The following TTK variants were observed in gnomAD, a reference collection of about 807,000 sequenced individuals.
The protein encoded by TTK is dual specificity protein kinase TTK.
Under a neutral mutation model 117.3 loss-of-function variants are expected in TTK, and 59 were observed. That is an observed-to-expected ratio of 0.50 (90% CI 0.41 to 0.62). The LOEUF is 0.62. Ranked by LOEUF, TTK falls within the 20% of genes least tolerant of loss-of-function variation. The pLI is 0.00. For synonymous variants in TTK, 302 were observed against 325.0 expected (o/e 0.93, Z 0.76); for missense variants, 921 against 989.4 (o/e 0.93, Z 0.93).
chr6:80,026,629 A>G (rs1385988384), intron 12 of TTK, 115 bp downstream of exon 12: 1 of 1,417,024 alleles, frequency 7.1e-7, no homozygotes, highest in Non-Finnish European at 9.6e-7. Flanking sequence ...AAGACTTTCC[A>G]TCTTCATATT....
intron 21 of TTK, 74 bp from the exon 22 acceptor site, chr6:80,042,045 C>T (rs951101789): frequency 1.8e-4 from 143 of 812,080 alleles, no homozygotes; most frequent in Middle Eastern, 1.2e-3. Flanking sequence ...TAGAATACAT[C>T]AAAATACATC....
chr6:80,007,903 G>A lies in TTK; in HGVS notation c.234G>A (p.Pro78=), dbSNP rs539923817. ...LLLKLEKNSV[P]LSDALLNKLI... Reference sequence around the variant, plus strand: ...TCAAACTAGAGAAAAACAGTGTTCCGCTAAGTGATGCTCTTTTAAATAAAT... The same window carrying A: ...TCAAACTAGAGAAAAACAGTGTTCCACTAAGTGATGCTCTTTTAAATAAAT... The change falls in exon 3 of 22, where the codon CCG becomes CCA. Residue 78 remains proline, a synonymous_variant. Coordinates refer to ENST00000369798, the MANE Select transcript of TTK (RefSeq NM_003318.5). 9.9e-6 allele frequency: 16 copies of A among 1,613,510 alleles called. No individual in the cohort carries two copies. Among genetic ancestry groups the A allele is most frequent in the South Asian group, 6.6e-5 (6 of 91,062 alleles).
chr6:80,027,019 T>C (rs1001132329), intron 12 of TTK, among the ~76,000 whole-genome samples: 1 of 152,120 alleles, frequency 6.6e-6, no homozygotes, highest in African/African-American at 2.4e-5. Context: ...AGAAGTTCGA[T>C]GATGAGTGTG....
At chr6:80,031,686 C>T (rs1390021518) in intron 14 of TTK, 127 bp downstream of exon 14, 3 of 551,684 alleles carry the variant, frequency 5.4e-6, no homozygotes, top group African/African-American at 2.0e-5. Context: ...AGCCAAAAAG[C>T]CATCTTAACA....
At position 80,027,922 on chromosome 6, in the gene TTK, G is replaced by A. The variant is rs753161549; in HGVS notation, c.1432G>A (p.Ala478Thr). The change falls in exon 13 of 22, where the codon GCT (alanine) becomes ACT (threonine). Residue 478 changes from alanine to threonine, a missense_variant. By Grantham distance (58) the Ala-to-Thr change is moderately conservative. Coordinates refer to ENST00000369798, the MANE Select transcript of TTK (RefSeq NM_003318.5). ...AGTTGTAAAGAATGACTTTCCACCT[G>A]CTTGTCAGTTGTCAACACCTTATGG... Reference protein sequence around the residue: ...TPVVKNDFPPACQLSTPYGQP... With the variant: ...TPVVKNDFPPTCQLSTPYGQP... The A allele has an allele frequency of 6.2e-7, 1 of 1,607,052 alleles. No homozygotes were observed. The highest frequency in any genetic ancestry group is 1.1e-5 in the South Asian group (1 of 90,004).
At chr6:80,039,381 C>G (rs940116838) in intron 18 of TTK, among the ~76,000 whole-genome samples, 1 of 5,432 alleles carries the variant, frequency 1.8e-4, no homozygotes. Context: ...TCCAGTAATT[C>G]TGGGGAAAAC....
At chr6:80,021,131 C>G (rs1550035) in intron 10 of TTK, among the ~76,000 whole-genome samples, 18,655 of 152,256 alleles carry the variant, frequency 0.12, 1,432 homozygotes, top group South Asian at 0.17. Context: ...CCCTTGAATT[C>G]TGTTGACCTC....
intron 2 of TTK, chr6:80,006,267 A>G (rs1241667664): frequency 5.6e-6 from 2 of 357,630 alleles, no homozygotes; most frequent in Non-Finnish European, 1.1e-5. Context: ...GTATTAGCTC[A>G]GAAGCCTGAT....
chr6:80,011,495 G>T lies in TTK; in HGVS notation c.675G>T (p.Arg225Ser). ...FSGSLGHLQNRNNSCDSRGQT... is the reference protein window; with the variant it reads ...FSGSLGHLQNSNNSCDSRGQT... ...GTTCACTTGGGCATTTACAGAATAG[G>T]AACAACAGTTGTGATTCCAGAGGAC... Residue 225 changes from arginine (R) to serine (S), a missense_variant, in exon 6 of 22, where the codon AGG (arginine) becomes AGT (serine). Arg to Ser is a moderately radical substitution (Grantham distance 110). Transcript: ENST00000369798. 6.2e-7 allele frequency: 1 copy of T among 1,610,362 alleles called. No individual in the cohort carries two copies. Among genetic ancestry groups the T allele is most frequent in the South Asian group, 1.1e-5 (1 of 90,220 alleles).
chr6:80,006,249 T>C, intron 2 of TTK: 1 of 405,300 alleles, frequency 2.5e-6, no homozygotes, highest in Non-Finnish European at 4.6e-6. Context: ...ACTCTAGCTC[T>C]TCTAAAAGTA....
intron 13 of TTK, among the ~76,000 whole-genome samples, chr6:80,030,824 CT>C (rs1234362212): frequency 3.3e-5 from 5 of 152,142 alleles, no homozygotes; most frequent in Admixed American, 3.3e-4. Context: ...GTCTCATTGA[CT>C]TTGGAGCTCT....
chr6:80,042,000 C>T (rs544175464), intron 21 of TTK, 119 bp from the exon 22 acceptor site: 2 of 513,210 alleles, frequency 3.9e-6, no homozygotes, highest in East Asian at 6.6e-5. Flanking sequence ...AATTTCCCAA[C>T]TGTAAGAACA....
chr6:80,027,951 A>G lies in TTK; in HGVS notation c.1461A>G (p.Gln487=), dbSNP rs1001925787. 12 of 1,608,254 alleles carry G rather than the reference A, an allele frequency of 7.5e-6. No homozygotes were observed. Among genetic ancestry groups the G allele is most frequent in the Non-Finnish European group, 1.0e-5 (12 of 1,176,600 alleles). ...GTCAGTTGTCAACACCTTATGGCCA[A>G]CCTGCCTGTTTCCAGCAGCAACAGC... The part of the protein sequence containing the change: ...PACQLSTPYG[Q]PACFQQQQHQ... The change falls in exon 13 of 22, where the codon CAA becomes CAG. Residue 487 remains glutamine, a synonymous_variant. Coordinates refer to ENST00000369798, the MANE Select transcript of TTK (RefSeq NM_003318.5).
intron 14 of TTK, among the ~76,000 whole-genome samples, chr6:80,032,456 A>G (rs1767785134): frequency 1.3e-5 from 2 of 152,184 alleles, no homozygotes. Context: ...TAACATGTGT[A>G]TGCTGACAAT....
At chr6:80,020,432 G>C (rs909674234) in intron 10 of TTK, among the ~76,000 whole-genome samples, 9 of 152,086 alleles carry the variant, frequency 5.9e-5, no homozygotes, top group African/African-American at 2.2e-4. Flanking sequence ...AGATAAAACA[G>C]TGAGTTTTAT....
intron 13 of TTK, 69 bp downstream of exon 13, chr6:80,028,080 G>A: frequency 6.9e-7 from 1 of 1,439,020 alleles, no homozygotes; most frequent in Admixed American, 2.5e-5. Context: ...TATTTTTATA[G>A]CATCTAGTTA....
At chr6:80,011,410 A>G (rs1648756543) in intron 5 of TTK, 24 bp from the exon 6 acceptor site, 1 of 1,466,694 alleles carries the variant, frequency 6.8e-7, no homozygotes. Context: ...TATAAATTTA[A>G]TCATAGTTTC....
chr6:80,015,285 A>G (rs1767277466), intron 10 of TTK, among the ~76,000 whole-genome samples: 1 of 152,212 alleles, frequency 6.6e-6, no homozygotes, highest in South Asian at 2.1e-4. Context: ...TGCAGACTGT[A>G]ACATGGGTAG....
chr6:80,026,813 A>C lies in TTK; in HGVS notation c.1394+299A>C, dbSNP rs74898662. ...TCTTGATAATCATGTATTGCCATACAGATATCTCTCTATTAAGAGAGAGAT... is the reference window on the plus strand; with the variant it reads ...TCTTGATAATCATGTATTGCCATACCGATATCTCTCTATTAAGAGAGAGAT... On this transcript the variant is annotated intron_variant, in intron 12 of 21. Coordinates refer to ENST00000369798, the MANE Select transcript of TTK (RefSeq NM_003318.5). Among the ~76,000 whole-genome samples, 685 of 152,360 alleles carry C rather than the reference A, an allele frequency of 4.5e-3. 5 individuals carry two copies. Among genetic ancestry groups the C allele is most frequent in the African/African-American group, 0.016 (650 of 41,584 alleles).
Sources: allele counts gnomAD v4.1 joint callset (sites outside exome capture counted in the v4.1 genomes callset), GRCh38; gene constraint gnomAD v4.1.1; transcripts MANE v1.5; gene names NCBI Gene and HGNC (gene_info 2026-07-23, HGNC 2026-07-21).